Variants in FSCN1 observed in about 807,000 individuals in gnomAD.
FSCN1 encodes fascin.
FSCN1 carries 10 observed loss-of-function variants against 39.7 expected under a neutral mutation model. The observed-to-expected ratio is 0.25, with a 90% CI of 0.16 to 0.43. The LOEUF (loss-of-function observed/expected upper bound fraction) is 0.43. Ranked by LOEUF, FSCN1 falls within the 20% of genes least tolerant of loss-of-function variation. The probability of loss-of-function intolerance (pLI) is 1.00; values close to 1 mark genes in which losing one functional copy is unlikely to be tolerated. For synonymous variants in FSCN1, 322 were observed against 320.0 expected (o/e 1.01, Z -0.07); for missense variants, 525 against 723.8 (o/e 0.73, Z 3.15).
In FSCN1 at chr7:5,605,376, G is replaced by T. The variant is rs1209115728; in HGVS notation, c.1384G>T (p.Ala462Ser). The T allele has an allele frequency of 1.2e-6, 2 of 1,613,810 alleles. No homozygotes were observed. The highest frequency in any genetic ancestry group is 4.5e-5 in the East Asian group (2 of 44,890). The change falls in exon 5 of 5, where the codon GCC (alanine) becomes TCC (serine). Residue 462 changes from alanine (A) to serine (S), a missense_variant. Physicochemically the swap from Ala to Ser is moderately conservative, Grantham distance 99. Coordinates refer to ENST00000382361, the MANE Select transcript of FSCN1 (RefSeq NM_003088.4). This position sits in a 1 kb window ranked among gnomAD's most constrained non-coding sequence, Gnocchi z 6.9. Reference protein sequence around the residue: ...FFEFCDYNKVAIKVGGRYLKG... With the variant: ...FFEFCDYNKVSIKVGGRYLKG... ...CGAGTTCTGCGACTATAACAAGGTG[G>T]CCATCAAGGTGGGCGGGCGCTACCT... is the stretch of plus-strand genomic sequence containing the variant.
In FSCN1 at chr7:5,593,412, C is replaced by A; in HGVS notation, c.476C>A (p.Pro159Gln). 3 of 1,612,204 alleles carry A rather than the reference C, an allele frequency of 1.9e-6. No individual in the cohort carries two copies. The highest frequency in any genetic ancestry group is 2.5e-6 in the Non-Finnish European group (3 of 1,179,776). The change falls in exon 1 of 5, where the codon CCG becomes CAG. Residue 159 changes from proline (P) to glutamine (Q), a missense_variant. This residue lies in a region of FSCN1 where 246 missense variants were observed against 350.6 expected (regional missense o/e 0.70). Transcript: ENST00000382361. ...CGCTACGCGCACCTGAGCGCGCGGCCGGCCGACGAGATCGCCGTGGACCGC... is the reference window on the plus strand; with the variant it reads ...CGCTACGCGCACCTGAGCGCGCGGCAGGCCGACGAGATCGCCGTGGACCGC... ...RKRYAHLSAR[P>Q]ADEIAVDRDV...
At chr7:5,604,593 C>T (rs1418436856) in intron 4 of FSCN1, among the ~76,000 whole-genome samples, 1 of 152,006 alleles carries the variant, frequency 6.6e-6, no homozygotes. Context: ...CTCAGCCTCC[C>T]AAGTAGCTGG....
rs774211938 is a variant in FSCN1 at position 5,593,417 on chromosome 7, G to T, written c.481G>T (p.Asp161Tyr). The T allele has an allele frequency of 6.2e-7, 1 of 1,612,054 alleles. No individual in the cohort carries two copies. The highest frequency in any genetic ancestry group is 1.3e-5 in the African/African-American group (1 of 74,932). The change falls in exon 1 of 5, where the codon GAC becomes TAC. Residue 161 changes from aspartate (D) to tyrosine (Y), a missense_variant. Around this residue, in one of 3 missense-constraint regions of FSCN1, gnomAD observed 246 missense variants for 350.6 expected, o/e 0.70. Transcript: ENST00000382361. ...RYAHLSARPA[D>Y]EIAVDRDVPW... Reference sequence around the variant, plus strand: ...CGCGCACCTGAGCGCGCGGCCGGCCGACGAGATCGCCGTGGACCGCGACGT... The same window carrying T: ...CGCGCACCTGAGCGCGCGGCCGGCCTACGAGATCGCCGTGGACCGCGACGT...
In FSCN1 at chr7:5,599,470, C is replaced by G. The variant is rs138117707; in HGVS notation, c.833-3787C>G. Among the ~76,000 whole-genome samples, 1 of 152,168 alleles carries G rather than the reference C, an allele frequency of 6.6e-6. No individual in the cohort carries two copies. Among genetic ancestry groups the G allele is most frequent in the African/African-American group, 2.4e-5 (1 of 41,426 alleles). On this transcript the variant is annotated intron_variant, in intron 1 of 4. Coordinates refer to ENST00000382361, the MANE Select transcript of FSCN1 (RefSeq NM_003088.4). The surrounding 1 kb of genome is among the most constrained non-coding windows in gnomAD (Gnocchi z 5.6). ...CCTCTTTGTGAAGTAGGATGAAGAT[C>G]CCCACCTGTGGAGCAGATGTGGGGC...
In FSCN1 at chr7:5,599,900, G is replaced by A. The variant is rs918895566; in HGVS notation, c.833-3357G>A. Among the ~76,000 whole-genome samples, 3 of 152,106 alleles carry A rather than the reference G, an allele frequency of 2.0e-5. No homozygotes were observed. The highest frequency in any genetic ancestry group is 3.2e-3 in the Middle Eastern group (1 of 316). On this transcript the variant is annotated intron_variant, in intron 1 of 4. Transcript: ENST00000382361. This position sits in a 1 kb window ranked among gnomAD's most constrained non-coding sequence, Gnocchi z 5.6. ...CTGTGGGTGCTGCCTGCCACCCACC[G>A]CTGAGGTCCCTGCAGCATCAAGGTG...
In FSCN1 at chr7:5,605,679, G is replaced by C. The variant is rs1006874567; in HGVS notation, c.*205G>C. On this transcript the variant is annotated 3_prime_UTR_variant, in exon 5 of 5. Transcript: ENST00000382361. This position sits in a 1 kb window ranked among gnomAD's most constrained non-coding sequence, Gnocchi z 6.9. ...TCCGCCCGGGTTCCCTACTCCCCTC[G>C]GGTCAGCGGCTGCGGCCTGGCCCTG... The C allele has an allele frequency of 3.6e-6, 2 of 561,892 alleles. No homozygotes were observed. Among genetic ancestry groups the C allele is most frequent in the South Asian group, 2.3e-5 (1 of 43,574 alleles). 34.8% of individuals were successfully genotyped at this position (561,892 alleles called of 1,614,324 possible). A position where few individuals can be genotyped will look rare whatever the true frequency, so the allele number is the denominator to read the frequency against.
Position 5,599,652 on chromosome 7 carries a change from T to C in FSCN1, c.833-3605T>C, listed in dbSNP as rs1190995600. 2.0e-5 allele frequency among the ~76,000 whole-genome samples: 3 copies of C among 151,896 alleles called. No individual in the cohort carries two copies. Among genetic ancestry groups the C allele is most frequent in the Non-Finnish European group, 4.4e-5 (3 of 67,960 alleles). ...CACCCCCATCTCTACAAAATAATGTTAAAGTTAGCCAGGTGTAGTGGTGAG... is the reference window on the plus strand; with the variant it reads ...CACCCCCATCTCTACAAAATAATGTCAAAGTTAGCCAGGTGTAGTGGTGAG... On this transcript the variant is annotated intron_variant, in intron 1 of 4. Transcript: ENST00000382361. The surrounding 1 kb of genome is among the most constrained non-coding windows in gnomAD (Gnocchi z 5.6).
In FSCN1 at chr7:5,603,981, C is replaced by G. The variant is rs1034937261; in HGVS notation, c.1230C>G (p.Ser410Arg). ...GCACCCTGGACGCCAACCGCTCCAG[C>G]TATGACGTCTTCCAGCTGGAGTTCA... ...VTGTLDANRS[S>R]YDVFQLEFND... Residue 410 changes from serine (S) to arginine (R), a missense_variant, in exon 4 of 5, where the codon AGC becomes AGG. By Grantham distance (110) the Ser-to-Arg change is moderately radical. Coordinates refer to ENST00000382361, the MANE Select transcript of FSCN1 (RefSeq NM_003088.4). This position sits in a 1 kb window ranked among gnomAD's most constrained non-coding sequence, Gnocchi z 8.5. 1 of 1,613,902 alleles carries G rather than the reference C, an allele frequency of 6.2e-7. No homozygotes were observed. The highest frequency in any genetic ancestry group is 8.5e-7 in the Non-Finnish European group (1 of 1,180,024).
Position 5,592,861 on chromosome 7 carries a change from A to T in FSCN1, c.-76A>T. On this transcript the variant is annotated 5_prime_UTR_variant, in exon 1 of 5. The change creates a new upstream start codon in the 5' untranslated region. Coordinates refer to ENST00000382361, the MANE Select transcript of FSCN1 (RefSeq NM_003088.4). The surrounding 1 kb of genome is among the most constrained non-coding windows in gnomAD (Gnocchi z 5.3). ...CGTGCGGGCCGCGGCAGCCGAACAAAGGAGCAGGGGCGCCGCCGCAGGGAC... is the reference window on the plus strand; with the variant it reads ...CGTGCGGGCCGCGGCAGCCGAACAATGGAGCAGGGGCGCCGCCGCAGGGAC... The T allele has an allele frequency of 1.2e-6, 1 of 864,668 alleles. No homozygotes were observed. Among genetic ancestry groups the T allele is most frequent in the Non-Finnish European group, 1.7e-6 (1 of 575,142 alleles). 53.6% of individuals were successfully genotyped at this position (864,668 alleles called of 1,614,324 possible). A position where few individuals can be genotyped will look rare whatever the true frequency, so the allele number is the denominator to read the frequency against.
chr7:5,604,154 C>G, intron 4 of FSCN1, 124 bp downstream of exon 4: 1 of 853,034 alleles, frequency 1.2e-6, no homozygotes. Context: ...ATTCCAGGCC[C>G]TAAAGGGACA....
At chr7:5,595,666 C>T (rs1454587746) in intron 1 of FSCN1, among the ~76,000 whole-genome samples, 1 of 152,078 alleles carries the variant, frequency 6.6e-6, no homozygotes, top group Admixed American at 6.6e-5. Flanking sequence ...GTGCAAAGGT[C>T]TTATGGCAGG....
chr7:5,596,740 C>T (rs142110236), intron 1 of FSCN1, among the ~76,000 whole-genome samples: 62 of 152,256 alleles, frequency 4.1e-4, no homozygotes, highest in African/African-American at 1.3e-3. Context: ...AGGAAGGGCT[C>T]GTCAAGCTGG....
Position 5,593,212 on chromosome 7 carries a change from C to T in FSCN1, c.276C>T (p.Leu92=), listed in dbSNP as rs1785665208. ...REVPGPDCRF[L]IVAHDDGRWS... ...TGCCCGGTCCCGACTGCCGTTTCCTCATCGTGGCGCACGACGACGGTCGCT... is the reference window on the plus strand; with the variant it reads ...TGCCCGGTCCCGACTGCCGTTTCCTTATCGTGGCGCACGACGACGGTCGCT... Residue 92 remains leucine, a synonymous_variant, in exon 1 of 5, where the codon CTC becomes CTT. Coordinates refer to ENST00000382361, the MANE Select transcript of FSCN1 (RefSeq NM_003088.4). The T allele has an allele frequency of 6.2e-7, 1 of 1,606,252 alleles. No homozygotes were observed. The highest frequency in any genetic ancestry group is 2.2e-5 in the East Asian group (1 of 44,566).
chr7:5,603,695 C>T lies in FSCN1; in HGVS notation c.1111+78C>T, dbSNP rs1785876370. The T allele has an allele frequency of 1.9e-6, 3 of 1,592,276 alleles. No homozygotes were observed. The highest frequency in any genetic ancestry group is 2.6e-6 in the Non-Finnish European group (3 of 1,163,834). ...GGCCATGCCGTGGTCACTTGGTAGCCCCAGCCAAGGCCTGCTCTGTGCTGG... is the reference window on the plus strand; with the variant it reads ...GGCCATGCCGTGGTCACTTGGTAGCTCCAGCCAAGGCCTGCTCTGTGCTGG... On this transcript the variant is annotated intron_variant, in intron 3 of 4. Coordinates refer to ENST00000382361, the MANE Select transcript of FSCN1 (RefSeq NM_003088.4). The surrounding 1 kb of genome is among the most constrained non-coding windows in gnomAD (Gnocchi z 8.5).
chr7:5,593,843 C>A (rs1584297121), intron 1 of FSCN1, 75 bp downstream of exon 1: 2 of 1,004,910 alleles, frequency 2.0e-6, no homozygotes, highest in South Asian at 1.6e-5. Flanking sequence ...TCCAGCCTCC[C>A]GCCCTTTCTC....
chr7:5,597,904 C>A (rs1158798240), intron 1 of FSCN1, among the ~76,000 whole-genome samples: 1 of 152,072 alleles, frequency 6.6e-6, no homozygotes, highest in African/African-American at 2.4e-5. Flanking sequence ...CCGGGGGCTT[C>A]TGTGGGCCTG....
At chr7:5,596,257 G>A (rs1338089468) in intron 1 of FSCN1, among the ~76,000 whole-genome samples, 1 of 152,152 alleles carries the variant, frequency 6.6e-6, no homozygotes, top group Non-Finnish European at 1.5e-5. Flanking sequence ...GCCAGGAAGG[G>A]GAGGATCCGG....
Position 5,603,469 on chromosome 7 carries a change from G to A in FSCN1, c.990-27G>A, listed in dbSNP as rs372102668. 95 of 1,613,946 alleles carry A rather than the reference G, an allele frequency of 5.9e-5. No homozygotes were observed. The highest frequency in any genetic ancestry group is 7.4e-5 in the Non-Finnish European group (87 of 1,179,992). On this transcript the variant is annotated intron_variant, in intron 2 of 4. Transcript: ENST00000382361. This position sits in a 1 kb window ranked among gnomAD's most constrained non-coding sequence, Gnocchi z 8.5. ...CCCACCACCTTGCCTGGGCTACCCC[G>A]CCTGACCCTGTCCCGCCATCCCCCA...
chr7:5,604,088 A>G, intron 4 of FSCN1, 58 bp downstream of exon 4: 1 of 1,532,846 alleles, frequency 6.5e-7, no homozygotes, highest in African/African-American at 1.4e-5. Flanking sequence ...GGCTGGGGTC[A>G]GTGCTGCGGG....
Sources: allele counts gnomAD v4.1 joint callset (sites outside exome capture counted in the v4.1 genomes callset), GRCh38; gene constraint gnomAD v4.1.1; regional missense constraint gnomAD v4.1.1; non-coding constraint Gnocchi (gnomAD v3.1); transcripts MANE v1.5; gene names NCBI Gene and HGNC (gene_info 2026-07-23, HGNC 2026-07-21).